GABRB1: variants seen among roughly 807,000 people sequenced by gnomAD.
The protein encoded by GABRB1 is gamma-aminobutyric acid type A receptor subunit beta1.
In GABRB1, 17 loss-of-function variants were observed where a neutral mutation model predicts 51.6. The observed-to-expected ratio is 0.33, with a 90% confidence interval of 0.23 to 0.49. The LOEUF is 0.49. Among genes scored for constraint, GABRB1 ranks in the 20% least tolerant of loss-of-function variants. The probability of loss-of-function intolerance (pLI) is 0.99; values close to 1 mark genes in which losing one functional copy is unlikely to be tolerated. For synonymous variants in GABRB1, 247 were observed against 218.9 expected (o/e 1.13, Z -1.14); for missense variants, 410 against 600.6 (o/e 0.68, Z 3.32).
At chr4:47,194,982 A>C (rs1450755161) in intron 4 of GABRB1, among the ~76,000 whole-genome samples, 1 of 152,180 alleles carries the variant, frequency 6.6e-6, no homozygotes, top group Non-Finnish European at 1.5e-5. Flanking sequence ...TAAAAGTTAC[A>C]GGTCCTGAAG....
At chr4:47,128,098 C>G (rs1716247216) in intron 3 of GABRB1, among the ~76,000 whole-genome samples, 1 of 151,500 alleles carries the variant, frequency 6.6e-6, no homozygotes, top group Admixed American at 6.6e-5. Flanking sequence ...ATAAGAAATC[C>G]ATTTTGGATA....
chr4:47,070,290 C>T (rs1026848064), intron 3 of GABRB1, among the ~76,000 whole-genome samples: 1 of 152,050 alleles, frequency 6.6e-6, no homozygotes, highest in Admixed American at 6.5e-5. Context: ...CCTGCCTTGG[C>T]CTCCCAAAGT....
chr4:47,089,234 T>C (rs1053082062), intron 3 of GABRB1, among the ~76,000 whole-genome samples: 8 of 152,226 alleles, frequency 5.3e-5, no homozygotes, highest in Non-Finnish European at 7.3e-5. Context: ...TTCAGTGAAC[T>C]GTGTCCTTAG....
chr4:47,354,980 GTTTTTTT>G (rs71195627), intron 5 of GABRB1, among the ~76,000 whole-genome samples: 18 of 44,252 alleles, frequency 4.1e-4, no homozygotes, highest in African/African-American at 1.4e-3. Flanking sequence ...TTCTTCCTTT[GTTTTTTT>G]TTTTTTTTTT....
At chr4:47,172,168 A>G (rs1471052970) in intron 4 of GABRB1, among the ~76,000 whole-genome samples, 1 of 152,174 alleles carries the variant, frequency 6.6e-6, no homozygotes, top group Non-Finnish European at 1.5e-5. Context: ...ACAGTACTTT[A>G]CTTTACACTA....
rs1178090344 is a variant in GABRB1, at chr4:47,206,858, G to GTA, written c.461+45397_461+45398dup. On this transcript the variant is annotated intron_variant, in intron 4 of 8. Transcript: ENST00000295454. ...AAGTTTATTGAATTATAATATATATGTATATATATGTGTGTGTGTATGTAT... is the reference window on the plus strand; with the variant it reads ...AAGTTTATTGAATTATAATATATATGTATATATATATGTGTGTGTGTATGTAT... 6.6e-5 allele frequency among the ~76,000 whole-genome samples: 10 copies of GTA among 151,360 alleles called. No individual in the cohort carries two copies. In the East Asian group the frequency reaches 9.7e-4, roughly 15 times the overall value.
chr4:47,382,847 G>A (rs375179493), intron 5 of GABRB1, among the ~76,000 whole-genome samples: 17 of 152,276 alleles, frequency 1.1e-4, no homozygotes, highest in African/African-American at 3.8e-4. Context: ...AGCTAGCCAC[G>A]TATTTCATCA....
At chr4:47,149,922 C>T (rs1717350395) in intron 3 of GABRB1, among the ~76,000 whole-genome samples, 1 of 151,922 alleles carries the variant, frequency 6.6e-6, no homozygotes, top group Non-Finnish European at 1.5e-5. Context: ...AGAACAGATG[C>T]TCAATGAGTT....
At chr4:47,226,586 A>G (rs954767529) in intron 4 of GABRB1, among the ~76,000 whole-genome samples, 3 of 152,096 alleles carry the variant, frequency 2.0e-5, no homozygotes, top group Admixed American at 2.0e-4. Context: ...AATCTCTTCA[A>G]TAAAATCCTT....
intron 4 of GABRB1, among the ~76,000 whole-genome samples, chr4:47,166,081 C>G (rs1175611790): frequency 2.6e-5 from 4 of 151,564 alleles, no homozygotes; most frequent in Non-Finnish European, 5.9e-5. Flanking sequence ...CTTATTTCGC[C>G]TAGAAAAAAA....
At chr4:47,315,456 G>A (rs760542215) in intron 4 of GABRB1, among the ~76,000 whole-genome samples, 2 of 151,982 alleles carry the variant, frequency 1.3e-5, no homozygotes, top group African/African-American at 2.4e-5. Context: ...TTCAGCCATT[G>A]TGGAAAGCAG....
chr4:46,999,493 CA>C (rs1479509329), intron 1 of GABRB1, among the ~76,000 whole-genome samples: 2 of 151,996 alleles, frequency 1.3e-5, no homozygotes. Context: ...TGTCATTTAA[CA>C]GGGAAGTGGA....
chr4:47,069,096 G>A (rs937089809), intron 3 of GABRB1, among the ~76,000 whole-genome samples: 1 of 152,126 alleles, frequency 6.6e-6, no homozygotes, highest in Non-Finnish European at 1.5e-5. Context: ...CTCCCCATGT[G>A]AGATTAAGTT....
intron 4 of GABRB1, among the ~76,000 whole-genome samples, chr4:47,227,275 C>T (rs1218747389): frequency 6.6e-6 from 1 of 152,102 alleles, no homozygotes; most frequent in East Asian, 1.9e-4. Flanking sequence ...TAATAAATAA[C>T]TCATATGTGT....
chr4:47,151,020 ATTCT>A (rs1023828524), intron 3 of GABRB1, among the ~76,000 whole-genome samples: 14 of 151,940 alleles, frequency 9.2e-5, no homozygotes, highest in African/African-American at 3.4e-4. Flanking sequence ...CAGGCTATTC[ATTCT>A]ATTTTAAGAC....
intron 5 of GABRB1, among the ~76,000 whole-genome samples, chr4:47,374,362 C>T (rs1727307682): frequency 6.6e-6 from 1 of 152,168 alleles, no homozygotes; most frequent in Non-Finnish European, 1.5e-5. Flanking sequence ...GCACTCCAGC[C>T]TGGGCAACAG....
At chr4:47,047,592 T>C (rs1170355989) in intron 3 of GABRB1, among the ~76,000 whole-genome samples, 2 of 152,112 alleles carry the variant, frequency 1.3e-5, no homozygotes, top group Non-Finnish European at 2.9e-5. Context: ...CATTTAAACA[T>C]AGAAAAGTTT....
intron 3 of GABRB1, among the ~76,000 whole-genome samples, chr4:47,160,153 C>G (rs1346792395): frequency 1.2e-4 from 18 of 152,102 alleles, no homozygotes. Flanking sequence ...ATATTCCTGT[C>G]TCTAACTGCC....
intron 3 of GABRB1, among the ~76,000 whole-genome samples, chr4:47,141,655 C>T (rs927362020): frequency 1.3e-5 from 2 of 151,922 alleles, no homozygotes; most frequent in African/African-American, 2.4e-5. Flanking sequence ...AGCTGGCAAA[C>T]ATTTCTCAGA....
Sources: gnomAD v4.1 joint callset for allele counts (sites outside exome capture counted in the v4.1 genomes callset) on GRCh38, gnomAD v4.1.1 for gene constraint, MANE v1.5 for transcripts, NCBI Gene and HGNC (gene_info 2026-07-23, HGNC 2026-07-21) for gene names.